ASPSCR1: variants seen among roughly 807,000 people sequenced by gnomAD.
ASPSCR1 encodes ASPSCR1 tether for SLC2A4, UBX domain containing.
Under a neutral mutation model 68.9 loss-of-function variants are expected in ASPSCR1, and 55 were observed. The observed-to-expected ratio is 0.80, with a 90% confidence interval of 0.64 to 1.00. The LOEUF is 1.00. Ranked by LOEUF, ASPSCR1 falls within the 50% of genes least tolerant of loss-of-function variation. The pLI, the probability that ASPSCR1 is intolerant of heterozygous loss-of-function variation, is 0.00. For synonymous variants in ASPSCR1, 352 were observed against 332.6 expected, an observed-to-expected ratio of 1.06 and a Z score of -0.63; for missense variants, 765 against 762.2, an observed-to-expected ratio of 1.00 and a Z score of -0.04.
chr17:82,008,687 T>A, intron 7 of ASPSCR1: 1 of 228,956 alleles, frequency 4.4e-6, no homozygotes. Flanking sequence ...CGCTCTAATT[T>A]GGCGGCTGTC....
intron 7 of ASPSCR1, among the ~76,000 whole-genome samples, chr17:82,002,960 C>T (rs1296579734): frequency 6.6e-6 from 1 of 152,062 alleles, no homozygotes; most frequent in East Asian, 1.9e-4. Context: ...CTGCAACCTC[C>T]ACCTCCTGGG....
intron 12 of ASPSCR1, 46 bp from the exon 13 acceptor site, chr17:82,016,430 G>C (rs535111198): frequency 2.0e-6 from 3 of 1,518,582 alleles, no homozygotes; most frequent in African/African-American, 1.4e-5. Context: ...CAGCAGGGGG[G>C]TGCTCTGCCC....
chr17:81,985,417 C>A, intron 3 of ASPSCR1, 90 bp from the exon 4 acceptor site: 3 of 1,392,062 alleles, frequency 2.2e-6, no homozygotes, highest in Non-Finnish European at 2.0e-6. Context: ...GGGGCAGTCA[C>A]CCTCTCTGTG....
chr17:82,000,407 G>A (rs2042489969), intron 7 of ASPSCR1, among the ~76,000 whole-genome samples: 1 of 152,188 alleles, frequency 6.6e-6, no homozygotes, highest in Non-Finnish European at 1.5e-5. Flanking sequence ...TGGGACTTGG[G>A]CAGCTGATTG....
rs752803131 is a variant in ASPSCR1, at chr17:82,010,880, T to A, written c.1237+12T>A. On this transcript the variant is annotated intron_variant, in intron 10 of 15. Coordinates refer to ENST00000306739, the MANE Select transcript of ASPSCR1 (RefSeq NM_024083.4). ...CCCCAGCGAGACAGGTGGGCAGCGCTGTGGGGTGTCCGGGGATGGGGGGCA... is the reference window on the plus strand; with the variant it reads ...CCCCAGCGAGACAGGTGGGCAGCGCAGTGGGGTGTCCGGGGATGGGGGGCA... The A allele has an allele frequency of 6.2e-7, 1 of 1,610,938 alleles. No individual in the cohort carries two copies. The highest frequency in any genetic ancestry group is 8.5e-7 in the Non-Finnish European group (1 of 1,179,680).
rs1325890234 is a variant in ASPSCR1, at chr17:82,017,354, G to A, written c.*32G>A. 1.9e-6 allele frequency: 3 copies of A among 1,612,340 alleles called. No individual in the cohort carries two copies. Among genetic ancestry groups the A allele is most frequent in the South Asian group, 1.1e-5 (1 of 91,090 alleles). ...CCAGCCTGAGGTGCCCACTCCGCCAGCCACAGGACCACCTCCTCTGCCAGC... is the reference window on the plus strand; with the variant it reads ...CCAGCCTGAGGTGCCCACTCCGCCAACCACAGGACCACCTCCTCTGCCAGC... On this transcript the variant is annotated 3_prime_UTR_variant, in exon 16 of 16. Transcript: ENST00000306739.
chr17:81,984,408 C>G (rs1206000809), intron 3 of ASPSCR1, among the ~76,000 whole-genome samples: 1 of 152,032 alleles, frequency 6.6e-6, no homozygotes, highest in Non-Finnish European at 1.5e-5. Flanking sequence ...GAAACCCCGT[C>G]TCTACTAAAA....
Position 82,012,240 on chromosome 17 carries a change from C to G in ASPSCR1, c.1310C>G (p.Pro437Arg), listed in dbSNP as rs1349374008. The part of the protein sequence containing the change: ...PELSFYLFIT[P>R]PKTVLDDHTQ... ...TGCCTTCTCTCCTCAGTCATCACCC[C>G]TCCAAAAACAGTCCTGGACGACCAC... Residue 437 changes from proline to arginine, a missense_variant, in exon 12 of 16, where the codon CCT becomes CGT. Physicochemically the swap from Pro to Arg is moderately radical, Grantham distance 103. Transcript: ENST00000306739. 1 of 1,613,680 alleles carries G rather than the reference C, an allele frequency of 6.2e-7. No homozygotes were observed. The highest frequency in any genetic ancestry group is 2.2e-5 in the East Asian group (1 of 44,882).
At chr17:81,995,278 T>G in intron 5 of ASPSCR1, 144 of 280,476 alleles carry the variant, frequency 5.1e-4, no homozygotes, top group East Asian at 1.0e-3. Context: ...GAGTGCCCTT[T>G]GCTGGGGTGG....
chr17:81,991,424 G>A (rs113734324), intron 4 of ASPSCR1, among the ~76,000 whole-genome samples: 4 of 152,338 alleles, frequency 2.6e-5, no homozygotes, highest in Admixed American at 6.5e-5. Context: ...CTCTGGGTGT[G>A]CTGGGGTGTA....
At chr17:82,017,202 TAGGTGCTGTGGCCGGCAGGGCCG>T in intron 15 of ASPSCR1, 84 bp from the exon 16 acceptor site, 1 of 1,583,092 alleles carries the variant, frequency 6.3e-7, no homozygotes, top group South Asian at 1.1e-5. Flanking sequence ...GCTGGGGGGC[TAGGTGCTGTGGCCGGCAGGGCCG>T]AGTGCTTCAG....
At position 81,983,635 on chromosome 17, in the gene ASPSCR1, C is replaced by T. The variant is rs11539917; in HGVS notation, c.240C>T (p.Pro80=). ...LPNNAKLEMV[P]ASRSREGPEN... is the part of the protein sequence containing the mutation. ...ACAATGCCAAGCTGGAGATGGTGCC[C>T]GCTTCCCGGAGCCGTGAGGGGCCTG... is the stretch of plus-strand genomic sequence containing the variant. The change falls in exon 3 of 16, where the codon CCC becomes CCT. Residue 80 remains proline (P), a synonymous_variant. Coordinates refer to ENST00000306739, the MANE Select transcript of ASPSCR1 (RefSeq NM_024083.4). The surrounding 1 kb of genome is among the most constrained non-coding windows in gnomAD (Gnocchi z 4.4). 31,845 of 1,612,902 alleles carry T rather than the reference C, an allele frequency of 0.02. 388 individuals carry two copies. Among genetic ancestry groups the T allele is most frequent in the Middle Eastern group, 0.027 (161 of 6,062 alleles).
chr17:81,997,167 C>T (rs923160163), intron 7 of ASPSCR1, among the ~76,000 whole-genome samples: 1 of 58,868 alleles, frequency 1.7e-5, no homozygotes, highest in Non-Finnish European at 3.5e-5. Flanking sequence ...GACAAGGCGG[C>T]AACTGTGTCA....
chr17:81,993,505 G>A lies in ASPSCR1; in HGVS notation c.375-1316G>A, dbSNP rs147748741. Among the ~76,000 whole-genome samples, 35 of 152,300 alleles carry A rather than the reference G, an allele frequency of 2.3e-4. No individual in the cohort carries two copies. The East Asian group carries it at 4.6e-3, about 20-fold the overall frequency. ...TGGGATTACAGGCGTGAGCCACCGC[G>A]CCCGGCTGAGTCCTGCTCTTTCAAG... On this transcript the variant is annotated intron_variant, in intron 4 of 15. Coordinates refer to ENST00000306739, the MANE Select transcript of ASPSCR1 (RefSeq NM_024083.4).
At chr17:81,994,696 C>G (rs766809331) in intron 4 of ASPSCR1, 125 bp from the exon 5 acceptor site, 2 of 971,408 alleles carry the variant, frequency 2.1e-6, no homozygotes, top group Non-Finnish European at 3.2e-6. Context: ...GCCTGGGACG[C>G]TGTCCTGGGT....
chr17:81,993,279 T>C (rs1441732453), intron 4 of ASPSCR1, among the ~76,000 whole-genome samples: 1 of 152,114 alleles, frequency 6.6e-6, no homozygotes, highest in Non-Finnish European at 1.5e-5. Context: ...AGTGGCGCGA[T>C]CTCGGCTCAC....
intron 2 of ASPSCR1, among the ~76,000 whole-genome samples, chr17:81,981,197 A>G (rs541429496): frequency 6.6e-6 from 1 of 152,164 alleles, no homozygotes; most frequent in Non-Finnish European, 1.5e-5. Context: ...ATACCAGCCC[A>G]GGGGTCTTTG....
chr17:81,977,867 C>CCGCCGCTCAGGAGGCCG lies in ASPSCR1; in HGVS notation c.102+120_102+121insGCCGCTCAGGAGGCCGC. On this transcript the variant is annotated intron_variant, in intron 1 of 15. Coordinates refer to ENST00000306739, the MANE Select transcript of ASPSCR1 (RefSeq NM_024083.4). The surrounding 1 kb of genome is among the most constrained non-coding windows in gnomAD (Gnocchi z 5.0). ...CGGGGCCTCGGCGGCCAATGAGCGG[C>CCGCCGCTCAGGAGGCCG]CTCCTGAGCGGCGGCCCCGCCCCCT... The CCGCCGCTCAGGAGGCCG allele has an allele frequency of 1.4e-6, 1 of 692,024 alleles. No homozygotes were observed. The highest frequency in any genetic ancestry group is 2.0e-6 in the Non-Finnish European group (1 of 512,176). 42.9% of individuals were successfully genotyped at this position (692,024 alleles called of 1,614,324 possible).
In ASPSCR1 at chr17:81,983,472, G is replaced by A; in HGVS notation, c.159-82G>A. ...GGGCGTGGATGGCGGGGCGTGGATG[G>A]TGGGACGGGGATGGCGGGGCGTGGA... On this transcript the variant is annotated intron_variant, in intron 2 of 15. Coordinates refer to ENST00000306739, the MANE Select transcript of ASPSCR1 (RefSeq NM_024083.4). This position sits in a 1 kb window ranked among gnomAD's most constrained non-coding sequence, Gnocchi z 4.4. The A allele has an allele frequency of 4.2e-6, 5 of 1,189,258 alleles. No homozygotes were observed. The highest frequency in any genetic ancestry group is 2.0e-5 in the Admixed American group (1 of 49,870). The allele number at this position is 1,189,258 out of a possible 1,614,324, so 73.7% of individuals were successfully genotyped here. A position where few individuals can be genotyped will look rare whatever the true frequency, so the allele number is the denominator to read the frequency against.
Sources: allele counts gnomAD v4.1 joint callset (sites outside exome capture counted in the v4.1 genomes callset), GRCh38; gene constraint gnomAD v4.1.1; non-coding constraint Gnocchi (gnomAD v3.1); transcripts MANE v1.5; gene names NCBI Gene and HGNC (gene_info 2026-07-23, HGNC 2026-07-21).